The following IGF2BP3 variants were observed in gnomAD, a reference collection of about 807,000 sequenced individuals.
The protein encoded by IGF2BP3 is insulin like growth factor 2 mRNA binding protein 3.
A neutral mutation model predicts 73.8 loss-of-function variants in IGF2BP3; 9 were observed. The observed-to-expected ratio is 0.12, with a 90% CI of 0.07 to 0.21. The LOEUF is 0.21. IGF2BP3 is among the 10% of genes least tolerant of loss of function. IGF2BP3 has a pLI of 1.00. For synonymous variants in IGF2BP3, 258 were observed against 256.7 expected, an observed-to-expected ratio of 1.01 and a Z score of -0.05; for missense variants, 542 against 714.0, an observed-to-expected ratio of 0.76 and a Z score of 2.75.
At chr7:23,345,135 C>T (rs1014465382) in intron 8 of IGF2BP3, among the ~76,000 whole-genome samples, 1 of 152,176 alleles carries the variant, frequency 6.6e-6, no homozygotes, top group Non-Finnish European at 1.5e-5. Context: ...CTTTCCCCTA[C>T]CACTCTTCCT....
Position 23,470,187 on chromosome 7 carries a change from C to T in IGF2BP3, c.-77G>A, listed in dbSNP as rs1788683729. On this transcript the variant is annotated 5_prime_UTR_variant, in exon 1 of 15. Transcript: ENST00000258729. ...AACCACCCACGGTGATGGATGGATC[C>T]AGCTGGTTTTGTTCCCCTCGTCTTC... 1.0e-5 allele frequency: 13 copies of T among 1,245,996 alleles called. No homozygotes were observed. The highest frequency in any genetic ancestry group is 1.5e-5 in the Non-Finnish European group (13 of 891,636). 77.2% of individuals were successfully genotyped at this position (1,245,996 alleles called of 1,614,324 possible). A position where few individuals can be genotyped will look rare whatever the true frequency, so the allele number is the denominator to read the frequency against.
At chr7:23,448,662 G>A (rs531735629) in intron 2 of IGF2BP3, among the ~76,000 whole-genome samples, 4 of 151,892 alleles carry the variant, frequency 2.6e-5, no homozygotes, top group African/African-American at 4.8e-5. Context: ...GCAGAGTCTC[G>A]TTCTATCACC....
chr7:23,317,534 C>A, intron 12 of IGF2BP3, 105 bp downstream of exon 12: 1 of 798,402 alleles, frequency 1.3e-6, no homozygotes, highest in Non-Finnish European at 2.1e-6. Flanking sequence ...TAAGAATTTC[C>A]ATTGACTCTT....
chr7:23,447,944 C>G (rs1321169058), intron 2 of IGF2BP3, among the ~76,000 whole-genome samples: 1 of 152,076 alleles, frequency 6.6e-6, no homozygotes, highest in Non-Finnish European at 1.5e-5. Flanking sequence ...CACAGCACTG[C>G]TCTCCAGCCT....
At chr7:23,449,950 G>C (rs988462206) in intron 2 of IGF2BP3, among the ~76,000 whole-genome samples, 3 of 152,108 alleles carry the variant, frequency 2.0e-5, no homozygotes, top group Admixed American at 1.3e-4. Flanking sequence ...ACTTTCAGGA[G>C]GTCCAAGAAG....
chr7:23,410,659 C>T (rs141890632), intron 3 of IGF2BP3, among the ~76,000 whole-genome samples: 136 of 152,318 alleles, frequency 8.9e-4, no homozygotes, highest in African/African-American at 3.2e-3. Flanking sequence ...GAGAACTTTA[C>T]TAATAACTTC....
At chr7:23,388,099 C>T (rs1786146114) in intron 3 of IGF2BP3, among the ~76,000 whole-genome samples, 1 of 152,046 alleles carries the variant, frequency 6.6e-6, no homozygotes, top group African/African-American at 2.4e-5. Context: ...CGACACCACG[C>T]CCGGCTAATT....
chr7:23,324,911 G>A lies in IGF2BP3; in HGVS notation c.1204-5657C>T, dbSNP rs1409214257. Among the ~76,000 whole-genome samples the A allele has an allele frequency of 2.7e-4, 37 of 139,378 alleles. 1 individual carries two copies. The highest frequency in any genetic ancestry group is 2.6e-3 in the Admixed American group (36 of 13,912). 91.4% of individuals were successfully genotyped at this position (139,378 alleles called of 152,430 possible). ...AACTCTCAATAAATTAGGTATTGATGGGACGTATCTCAAAATAATAAGAGC... is the reference window on the plus strand; with the variant it reads ...AACTCTCAATAAATTAGGTATTGATAGGACGTATCTCAAAATAATAAGAGC... On this transcript the variant is annotated intron_variant, in intron 10 of 14. Transcript: ENST00000258729.
rs530461038 is a variant in IGF2BP3 at position 23,361,449 on chromosome 7, C to A, written c.401+85G>T. 143 of 1,046,126 alleles carry A rather than the reference C, an allele frequency of 1.4e-4. No homozygotes were observed. The South Asian group carries it at 1.9e-3, about 14-fold the overall frequency. 64.8% of individuals were successfully genotyped at this position (1,046,126 alleles called of 1,614,324 possible). On this transcript the variant is annotated intron_variant, in intron 5 of 14. Transcript: ENST00000258729. The stretch of plus-strand genomic sequence containing the variant: ...AAAGTTTCTCTCTGCCACCTACCAG[C>A]CCTTCTCAGTTGAGAAATCCGCAAA...
At chr7:23,360,039 A>G (rs532767563) in intron 5 of IGF2BP3, among the ~76,000 whole-genome samples, 6 of 151,684 alleles carry the variant, frequency 4.0e-5, no homozygotes, top group Non-Finnish European at 8.8e-5. Flanking sequence ...CACTTATGGG[A>G]GAAGTGAAAA....
At chr7:23,387,149 T>A (rs1019812338) in intron 3 of IGF2BP3, among the ~76,000 whole-genome samples, 2 of 151,990 alleles carry the variant, frequency 1.3e-5, no homozygotes, top group African/African-American at 4.8e-5. Context: ...CAGTGGTAAG[T>A]CATATTGCTT....
intron 3 of IGF2BP3, among the ~76,000 whole-genome samples, chr7:23,363,137 C>T (rs1269507995): frequency 1.3e-5 from 2 of 152,190 alleles, no homozygotes; most frequent in African/African-American, 2.4e-5. Context: ...TGGTAATTTA[C>T]TACTAAACTT....
intron 3 of IGF2BP3, among the ~76,000 whole-genome samples, chr7:23,396,218 C>A (rs12700426): frequency 0.23 from 34,395 of 151,824 alleles, 4,112 homozygotes; most frequent in South Asian, 0.31. Flanking sequence ...GAAACAGACA[C>A]AAGTCATAAG....
intron 3 of IGF2BP3, among the ~76,000 whole-genome samples, chr7:23,384,283 T>C (rs1283077407): frequency 6.7e-6 from 1 of 149,924 alleles, no homozygotes; most frequent in Non-Finnish European, 1.5e-5. Flanking sequence ...CTAAGTGGGG[T>C]GGGGTGATAG....
intron 10 of IGF2BP3, among the ~76,000 whole-genome samples, chr7:23,322,719 T>A (rs1784191307): frequency 6.6e-6 from 1 of 152,068 alleles, no homozygotes. Flanking sequence ...TAACAGCAGA[T>A]CTCTCAGCAG....
At chr7:23,429,057 C>T (rs1787600990) in intron 2 of IGF2BP3, among the ~76,000 whole-genome samples, 1 of 152,172 alleles carries the variant, frequency 6.6e-6, no homozygotes, top group African/African-American at 2.4e-5. Flanking sequence ...GCCTTATCAG[C>T]ATGGATCCTT....
chr7:23,379,545 TC>T (rs1785839278), intron 3 of IGF2BP3, among the ~76,000 whole-genome samples: 1 of 152,094 alleles, frequency 6.6e-6, no homozygotes, highest in African/African-American at 2.4e-5. Flanking sequence ...GTAACAGGGG[TC>T]CATTAATAAT....
At chr7:23,403,952 G>GTT (rs1405580461) in intron 3 of IGF2BP3, among the ~76,000 whole-genome samples, 2 of 150,416 alleles carry the variant, frequency 1.3e-5, no homozygotes, top group Non-Finnish European at 3.0e-5. Flanking sequence ...GCAAGACCCT[G>GTT]TTTGTAAAAC....
Position 23,453,826 on chromosome 7 carries a change from G to T in IGF2BP3, c.236+14656C>A, listed in dbSNP as rs144970429. 2.6e-4 allele frequency among the ~76,000 whole-genome samples: 40 copies of T among 152,228 alleles called. No individual in the cohort carries two copies. In the East Asian group the frequency reaches 5.6e-3, roughly 21 times the overall value. ...TTGGCACTTCCCTAATAACTAGTTA[G>T]ACAAGGGTGTTTTTTTTGTTTGTTT... On this transcript the variant is annotated intron_variant, in intron 2 of 14. Transcript: ENST00000258729.
Sources: gnomAD v4.1 joint callset for allele counts (sites outside exome capture counted in the v4.1 genomes callset) on GRCh38, gnomAD v4.1.1 for gene constraint, MANE v1.5 for transcripts, NCBI Gene and HGNC (gene_info 2026-07-23, HGNC 2026-07-21) for gene names.